The following ADAT3 variants were observed in gnomAD, a reference collection of about 807,000 sequenced individuals.
ADAT3 encodes the protein adenosine deaminase tRNA specific 3.
ADAT3 carries 2 observed loss-of-function variants against 3.5 expected under a neutral mutation model. The observed-to-expected ratio is 0.57, with a 90% confidence interval of 0.23 to 1.79. The LOEUF is 1.79. Ranked by LOEUF, ADAT3 falls within the 40% of genes most tolerant of loss-of-function variation. ADAT3 has a pLI of 0.18. For synonymous variants in ADAT3, 358 were observed against 270.3 expected, an observed-to-expected ratio of 1.32 and a Z score of -3.18; for missense variants, 735 against 571.4, an observed-to-expected ratio of 1.29 and a Z score of -2.92.
Position 1,908,609 on chromosome 19 carries a change from C to G in ADAT3, c.-159+3170C>G. 2.1e-6 allele frequency: 1 copy of G among 470,714 alleles called. No individual in the cohort carries two copies. The highest frequency in any genetic ancestry group is 1.6e-5 in the South Asian group (1 of 64,496). The allele number at this position is 470,714 out of a possible 1,614,324, so 29.2% of individuals were successfully genotyped here. ...CCAGCACCATCTGAGGCAGTACTGT[C>G]TGCTAGAAATAACTGTGAGCACACA... is the stretch of plus-strand genomic sequence containing the variant. On this transcript the variant is annotated intron_variant, in intron 1 of 1. Coordinates refer to ENST00000329478, the MANE Select transcript of ADAT3 (RefSeq NM_138422.4). This position sits in a 1 kb window ranked among gnomAD's most constrained non-coding sequence, Gnocchi z 4.2.
At chr19:1,909,951 A>G (rs900869007) in intron 1 of ADAT3, among the ~76,000 whole-genome samples, 1 of 152,154 alleles carries the variant, frequency 6.6e-6, no homozygotes, top group Non-Finnish European at 1.5e-5. Flanking sequence ...TTGGCCGACT[A>G]GGGGGCGAGT....
chr19:1,909,773 A>G (rs1161486647), intron 1 of ADAT3, among the ~76,000 whole-genome samples: 1 of 152,174 alleles, frequency 6.6e-6, no homozygotes, highest in Non-Finnish European at 1.5e-5. Flanking sequence ...TCTGTGACTG[A>G]GTAAGCAGGG....
chr19:1,912,011 A>ACTCCCCGGCT lies in ADAT3; in HGVS notation c.-30_-21dup. ...GTGGAGCCACGGCCTCCCGGGACGG[A>ACTCCCCGGCT]CTCCCCGGCTCTCCCCCAGCCGCCC... is the stretch of plus-strand genomic sequence containing the variant. On this transcript the variant is annotated 5_prime_UTR_variant, in exon 2 of 2. Transcript: ENST00000329478. The ACTCCCCGGCT allele has an allele frequency of 7.1e-7, 1 of 1,414,126 alleles. No homozygotes were observed. Among genetic ancestry groups the ACTCCCCGGCT allele is most frequent in the Non-Finnish European group, 9.2e-7 (1 of 1,090,892 alleles). The allele number at this position is 1,414,126 out of a possible 1,614,324, so 87.6% of individuals were successfully genotyped here. A position where few individuals can be genotyped will look rare whatever the true frequency, so the allele number is the denominator to read the frequency against.
chr19:1,907,675 T>C (rs71337061), intron 1 of ADAT3, among the ~76,000 whole-genome samples: 10,388 of 152,222 alleles, frequency 0.068, 553 homozygotes, highest in Non-Finnish European at 0.11. Flanking sequence ...CCTGGAGCTA[T>C]GCCGGTTCCC....
Position 1,908,778 on chromosome 19 carries a change from T to C in ADAT3, c.-158-3112T>C. 1 of 352,570 alleles carries C rather than the reference T, an allele frequency of 2.8e-6. No individual in the cohort carries two copies. Among genetic ancestry groups the C allele is most frequent in the South Asian group, 2.2e-5 (1 of 45,488 alleles). The allele number at this position is 352,570 out of a possible 1,614,324, so 21.8% of individuals were successfully genotyped here. ...TCTCCTGAGTAGCTGGGACTACATG[T>C]GCACACCACCGTGCCCAACTAATTT... On this transcript the variant is annotated intron_variant, in intron 1 of 1. Coordinates refer to ENST00000329478, the MANE Select transcript of ADAT3 (RefSeq NM_138422.4). The surrounding 1 kb of genome is among the most constrained non-coding windows in gnomAD (Gnocchi z 4.2).
intron 1 of ADAT3, chr19:1,907,946 A>G (rs1186670953): frequency 6.5e-6 from 1 of 153,544 alleles, no homozygotes; most frequent in Non-Finnish European, 1.4e-5. Flanking sequence ...CTGTTCCGGG[A>G]TTTTGACCTG....
In ADAT3 at chr19:1,908,962, G is replaced by C. The variant is rs530160130; in HGVS notation, c.-158-2928G>C. ...TCTACTGAAAATACAAAAATTAGCC[G>C]GGCGTGGTGGCATGTGCCTGTATTC... On this transcript the variant is annotated intron_variant, in intron 1 of 1. Transcript: ENST00000329478. This position sits in a 1 kb window ranked among gnomAD's most constrained non-coding sequence, Gnocchi z 4.2. 2.6e-5 allele frequency among the ~76,000 whole-genome samples: 4 copies of C among 152,106 alleles called. No homozygotes were observed. Among genetic ancestry groups the C allele is most frequent in the African/African-American group, 9.7e-5 (4 of 41,406 alleles).
Position 1,913,172 on chromosome 19 carries a change from G to T in ADAT3, c.*21G>T. ...CGTAGGCGCCGCCCTCCTGCCTCCG[G>T]ACCCTTCCCGCTCCCGGCCGTGGGG... is the stretch of plus-strand genomic sequence containing the variant. On this transcript the variant is annotated 3_prime_UTR_variant, in exon 2 of 2. Coordinates refer to ENST00000329478, the MANE Select transcript of ADAT3 (RefSeq NM_138422.4). The T allele has an allele frequency of 6.7e-7, 1 of 1,501,376 alleles. No individual in the cohort carries two copies. 93.0% of individuals were successfully genotyped at this position (1,501,376 alleles called of 1,614,324 possible). A position where few individuals can be genotyped will look rare whatever the true frequency, so the allele number is the denominator to read the frequency against.
chr19:1,912,672 C>CGGGCCGTGG lies in ADAT3; in HGVS notation c.635_643dup (p.Gly212_Val214dup). On this transcript the variant is annotated inframe_insertion, in exon 2 of 2. Coordinates refer to ENST00000329478, the MANE Select transcript of ADAT3 (RefSeq NM_138422.4). ...CCGGCGGGCAGCAGCGCGGGGCTTG[C>CGGGCCGTGG]GGGCCGTGGGGGCCGTGGTAGTGGA... The CGGGCCGTGG allele has an allele frequency of 7.0e-7, 1 of 1,437,706 alleles. No individual in the cohort carries two copies. The highest frequency in any genetic ancestry group is 9.0e-7 in the Non-Finnish European group (1 of 1,106,234). 89.1% of individuals were successfully genotyped at this position (1,437,706 alleles called of 1,614,324 possible). A position where few individuals can be genotyped will look rare whatever the true frequency, so the allele number is the denominator to read the frequency against.
rs1187984463 is a variant in ADAT3 at position 1,908,439 on chromosome 19, C to G, written c.-159+3000C>G. 4.3e-6 allele frequency: 2 copies of G among 468,274 alleles called. No homozygotes were observed. The highest frequency in any genetic ancestry group is 8.9e-6 in the Non-Finnish European group (2 of 225,652). The allele number at this position is 468,274 out of a possible 1,614,324, so 29.0% of individuals were successfully genotyped here. A position where few individuals can be genotyped will look rare whatever the true frequency, so the allele number is the denominator to read the frequency against. Reference sequence around the variant, plus strand: ...AGGCAGTGCATGTCGAGGAGTAGCACCCACAGCTGCGCGGCTGCGAAATGA... The same window carrying G: ...AGGCAGTGCATGTCGAGGAGTAGCAGCCACAGCTGCGCGGCTGCGAAATGA... On this transcript the variant is annotated intron_variant, in intron 1 of 1. Transcript: ENST00000329478. The surrounding 1 kb of genome is among the most constrained non-coding windows in gnomAD (Gnocchi z 4.2).
chr19:1,911,706 C>G (rs1337771186), intron 1 of ADAT3, among the ~76,000 whole-genome samples, 184 bp from the exon 2 acceptor site: 1 of 152,132 alleles, frequency 6.6e-6, no homozygotes, highest in Non-Finnish European at 1.5e-5. Flanking sequence ...TAGCTTGAAC[C>G]CGGGAGGCGG....
intron 1 of ADAT3, among the ~76,000 whole-genome samples, chr19:1,909,891 G>A (rs1057427275): frequency 2.6e-5 from 4 of 152,218 alleles, no homozygotes; most frequent in South Asian, 2.1e-4. Flanking sequence ...GCTGCGCTCC[G>A]GGGCTTACGT....
In ADAT3 at chr19:1,912,984, GC is replaced by G; in HGVS notation, c.940del (p.Leu314TrpfsTer?). 6.2e-7 allele frequency: 1 copy of G among 1,609,506 alleles called. No homozygotes were observed. The highest frequency in any genetic ancestry group is 8.5e-7 in the Non-Finnish European group (1 of 1,179,328). ...TREPCAMCAM[A>X]LVHARILRVF... ...CGAGCCCTGCGCCATGTGCGCCATG[GC>G]CCTGGTGCACGCACGCATCCTGCGC... On this transcript the variant is annotated frameshift_variant, in exon 2 of 2. Transcript: ENST00000329478. LOFTEE classifies it high-confidence loss of function.
chr19:1,912,492 C>T lies in ADAT3; in HGVS notation c.445C>T (p.Pro149Ser). ...CCTGGTGCCCGTGCCCGCCCGGCCG[C>T]CTCTGACCAGGGGCCAGTTCGAGGA... ...PFLVPVPARP[P>S]LTRGQFEEAR... The change falls in exon 2 of 2, where the codon CCT becomes TCT. Residue 149 changes from proline to serine, a missense_variant. Transcript: ENST00000329478. The T allele has an allele frequency of 1.3e-6, 2 of 1,498,626 alleles. No homozygotes were observed. The highest frequency in any genetic ancestry group is 1.8e-6 in the Non-Finnish European group (2 of 1,131,340). 92.8% of individuals were successfully genotyped at this position (1,498,626 alleles called of 1,614,324 possible). A position where few individuals can be genotyped will look rare whatever the true frequency, so the allele number is the denominator to read the frequency against.
chr19:1,911,271 A>C (rs2145433355), intron 1 of ADAT3, among the ~76,000 whole-genome samples: 1 of 151,922 alleles, frequency 6.6e-6, no homozygotes, highest in Non-Finnish European at 1.5e-5. Flanking sequence ...TTCCGGCCTC[A>C]AGTGCTCCTC....
rs756796667 is a variant in ADAT3, at chr19:1,913,049, C to A, written c.1002C>A (p.Gly334=). The change falls in exon 2 of 2, where the codon GGC becomes GGA. Residue 334 remains glycine, a synonymous_variant. Coordinates refer to ENST00000329478, the MANE Select transcript of ADAT3 (RefSeq NM_138422.4). ...YGAPSPDGAL[G]TRFRIHARPD... Reference sequence around the variant, plus strand: ...CGCCCTCGCCCGACGGCGCCCTGGGCACCCGCTTCCGCATCCACGCACGGC... The same window carrying A: ...CGCCCTCGCCCGACGGCGCCCTGGGAACCCGCTTCCGCATCCACGCACGGC... The A allele has an allele frequency of 5.2e-5, 83 of 1,603,258 alleles. No individual in the cohort carries two copies. The highest frequency in any genetic ancestry group is 6.9e-5 in the Non-Finnish European group (81 of 1,179,060).
chr19:1,909,304 C>T (rs908078725), intron 1 of ADAT3, among the ~76,000 whole-genome samples: 15 of 152,178 alleles, frequency 9.9e-5, no homozygotes, highest in Admixed American at 6.5e-4. Context: ...TGAGCAGTCC[C>T]TGCAGGCTGG....
intron 1 of ADAT3, chr19:1,907,870 G>A (rs905129379): frequency 2.5e-4 from 38 of 152,522 alleles, no homozygotes; most frequent in African/African-American, 8.9e-4. Context: ...TAGCAGGTAG[G>A]TAGGAGGTGC....
Position 1,909,904 on chromosome 19 carries a change from C to T in ADAT3, c.-158-1986C>T, listed in dbSNP as rs557567911. 6.6e-5 allele frequency among the ~76,000 whole-genome samples: 10 copies of T among 152,332 alleles called. No homozygotes were observed. The South Asian group carries it at 8.3e-4, about 13-fold the overall frequency. On this transcript the variant is annotated intron_variant, in intron 1 of 1. Transcript: ENST00000329478. Reference sequence around the variant, plus strand: ...GGGCTGCGCTCCGGGGCTTACGTTTCGTGGCTTGTCTTCTGAGGTCTCTCT... The same window carrying T: ...GGGCTGCGCTCCGGGGCTTACGTTTTGTGGCTTGTCTTCTGAGGTCTCTCT...
Sources: gnomAD v4.1 joint callset for allele counts (sites outside exome capture counted in the v4.1 genomes callset) on GRCh38, gnomAD v4.1.1 for gene constraint, Gnocchi (gnomAD v3.1) non-coding constraint, MANE v1.5 for transcripts, NCBI Gene and HGNC (gene_info 2026-07-23, HGNC 2026-07-21) for gene names.